Variants in SLC2A14 observed in about 807,000 individuals in gnomAD.
SLC2A14 encodes the protein solute carrier family 2, facilitated glucose transporter member 14.
A neutral mutation model predicts 43.0 loss-of-function variants in SLC2A14; 13 were observed. The ratio of observed to expected loss-of-function variants is 0.30; its 90% CI spans 0.20 to 0.48. The LOEUF is 0.48. SLC2A14 is among the 20% of genes least tolerant of loss of function. The probability of loss-of-function intolerance (pLI) is 0.99; values close to 1 mark genes in which losing one functional copy is unlikely to be tolerated. For synonymous variants in SLC2A14, 190 were observed against 233.8 expected (o/e 0.81, Z 1.71); for missense variants, 428 against 620.4 (o/e 0.69, Z 3.29).
intron 1 of SLC2A14, among the ~76,000 whole-genome samples, chr12:7,882,442 A>G (rs772228542): frequency 8.5e-5 from 13 of 152,254 alleles, no homozygotes; most frequent in African/African-American, 2.6e-4. Context: ...TCTTGAAGTC[A>G]GTGAGACCAA....
intron 7 of SLC2A14, among the ~76,000 whole-genome samples, chr12:7,822,668 C>CA (rs56052601): frequency 0.48 from 56,672 of 118,912 alleles, 12,366 homozygotes; most frequent in Admixed American, 0.56. Context: ...GACTCCATCT[C>CA]AAAAAAAAAA....
chr12:7,863,670 C>G (rs3919534), intron 2 of SLC2A14, among the ~76,000 whole-genome samples: 110,283 of 151,936 alleles, frequency 0.73, 40,405 homozygotes, highest in East Asian at 0.93. Flanking sequence ...TCATTCAATT[C>G]ATTGACATAT....
intron 4 of SLC2A14, 45 bp from the exon 5 acceptor site, chr12:7,830,051 G>C (rs1864876042): frequency 6.2e-7 from 1 of 1,610,846 alleles, no homozygotes; most frequent in African/African-American, 1.3e-5. Flanking sequence ...AAAGTGAGAG[G>C]CTCCTAACTT....
At chr12:7,878,737 C>G (rs868782530) in intron 1 of SLC2A14, among the ~76,000 whole-genome samples, 19 of 151,686 alleles carry the variant, frequency 1.3e-4, no homozygotes, top group Middle Eastern at 3.4e-3. Flanking sequence ...CCAGCACTTT[C>G]GGAGGCCAAG....
chr12:7,889,456 A>G (rs1233080901), intron 1 of SLC2A14, among the ~76,000 whole-genome samples: 1 of 150,264 alleles, frequency 6.7e-6, no homozygotes, highest in Non-Finnish European at 1.5e-5. Context: ...CTGTTCTCGA[A>G]CTCCTGACCT....
At chr12:7,824,237 C>T (rs961736971) in intron 7 of SLC2A14, among the ~76,000 whole-genome samples, 34 of 152,088 alleles carry the variant, frequency 2.2e-4, no homozygotes, top group African/African-American at 7.0e-4. Context: ...GCCTGGGCAA[C>T]GGAGTAAGAC....
At chr12:7,881,647 G>A (rs1465915722) in intron 1 of SLC2A14, among the ~76,000 whole-genome samples, 3 of 152,198 alleles carry the variant, frequency 2.0e-5, no homozygotes, top group African/African-American at 7.2e-5. Flanking sequence ...CCACCCAAGG[G>A]CTGAGGAGTG....
intron 2 of SLC2A14, among the ~76,000 whole-genome samples, chr12:7,833,811 T>C (rs1865226553): frequency 6.9e-6 from 1 of 144,654 alleles, no homozygotes; most frequent in South Asian, 2.2e-4. Flanking sequence ...GAGAGAGACA[T>C]TTCTTAGTGG....
rs753705113 is a variant in SLC2A14 at position 7,857,952 on chromosome 12, C to T, written c.18+11911G>A. Among the ~76,000 whole-genome samples the T allele has an allele frequency of 8.4e-4, 128 of 152,046 alleles. 2 individuals are homozygous for T. Among genetic ancestry groups the T allele is most frequent in the Admixed American group, 6.6e-4 (10 of 15,258 alleles). On this transcript the variant is annotated intron_variant, in intron 2 of 10. Coordinates refer to ENST00000431042, the MANE Select transcript of SLC2A14 (RefSeq NM_001286234.2). ...CAACCTGGCCAACATGGTGAAACCC[C>T]GTCTTTACTAAAAACAACAAAAAAA...
chr12:7,844,121 T>C (rs1367163289), intron 2 of SLC2A14, among the ~76,000 whole-genome samples: 2 of 152,168 alleles, frequency 1.3e-5, no homozygotes, highest in Non-Finnish European at 2.9e-5. Flanking sequence ...CATTTCTTGC[T>C]CCTCAAAAAG....
Position 7,814,771 on chromosome 12 carries a change from CTGAG to C in SLC2A14, c.1276-241_1276-238del, listed in dbSNP as rs1319080079. Among the ~76,000 whole-genome samples the C allele has an allele frequency of 3.3e-5, 5 of 151,812 alleles. No homozygotes were observed. In the South Asian group the frequency reaches 8.3e-4, roughly 25 times the overall value. On this transcript the variant is annotated intron_variant, in intron 10 of 10. Coordinates refer to ENST00000431042, the MANE Select transcript of SLC2A14 (RefSeq NM_001286234.2). ...AAAGTTAGATGCTTCCAAATGTCTA[CTGAG>C]TATTTTTGGACTTTTGAGTATTATT... is the stretch of plus-strand genomic sequence containing the variant.
rs1592174817 is a variant in SLC2A14, at chr12:7,828,115, T to C, written c.677-433A>G. Reference sequence around the variant, plus strand: ...GCGGTGGCTCACACCTGTAATCCCATCACTTTGGGAGGCCAAGGCAGGCGA... The same window carrying C: ...GCGGTGGCTCACACCTGTAATCCCACCACTTTGGGAGGCCAAGGCAGGCGA... On this transcript the variant is annotated intron_variant, in intron 6 of 10. Transcript: ENST00000431042. Among the ~76,000 whole-genome samples the C allele has an allele frequency of 2.6e-5, 4 of 151,208 alleles. No individual in the cohort carries two copies. The South Asian group carries it at 8.4e-4, about 32-fold the overall frequency.
In SLC2A14 at chr12:7,827,510, G is replaced by C; in HGVS notation, c.849C>G (p.Leu283=). Residue 283 remains leucine (L), a synonymous_variant, in exon 7 of 11, where the codon CTC becomes CTG. Coordinates refer to ENST00000431042, the MANE Select transcript of SLC2A14 (RefSeq NM_001286234.2). The part of the protein sequence containing the change: ...ISIVLQLSQQ[L]SGINAVFYYS... ...TCACACTCACAGCATTGATCCCAGA[G>C]AGCTGCTGAGAGAGCTGGAGCACAA... The C allele has an allele frequency of 6.2e-7, 1 of 1,611,806 alleles. No individual in the cohort carries two copies. The highest frequency in any genetic ancestry group is 8.5e-7 in the Non-Finnish European group (1 of 1,179,648).
intron 2 of SLC2A14, among the ~76,000 whole-genome samples, chr12:7,854,169 C>G (rs984789699): frequency 1.3e-5 from 2 of 152,052 alleles, no homozygotes; most frequent in African/African-American, 4.8e-5. Flanking sequence ...TTAAGCATAG[C>G]CAAAGGAGAA....
At chr12:7,844,001 T>C (rs754099882) in intron 2 of SLC2A14, among the ~76,000 whole-genome samples, 19 of 152,046 alleles carry the variant, frequency 1.2e-4, no homozygotes, top group Admixed American at 4.6e-4. Flanking sequence ...GAAGGGCACA[T>C]GCAATAAAGC....
At chr12:7,826,834 T>TTTCTTTCCTTCCTTCC (rs138356665) in intron 7 of SLC2A14, among the ~76,000 whole-genome samples, 11 of 29,570 alleles carry the variant, frequency 3.7e-4, no homozygotes, top group Admixed American at 4.5e-4. Flanking sequence ...TCTTTCTTTC[T>TTTCTTTCCTTCCTTCC]TTCCTTCCTT....
chr12:7,816,779 C>G (rs1377010305), intron 10 of SLC2A14, among the ~76,000 whole-genome samples: 1 of 151,950 alleles, frequency 6.6e-6, no homozygotes, highest in Non-Finnish European at 1.5e-5. Context: ...AAGATCTTGG[C>G]TCACCACGAA....
chr12:7,832,860 G>T, intron 2 of SLC2A14, 46 bp from the exon 3 acceptor site: 2 of 1,567,692 alleles, frequency 1.3e-6, no homozygotes, highest in South Asian at 1.1e-5. Flanking sequence ...CTTAAAACTT[G>T]TAATTGATGA....
chr12:7,870,916 C>T (rs1313461227), intron 1 of SLC2A14: 4 of 1,408,576 alleles, frequency 2.8e-6, no homozygotes, highest in Non-Finnish European at 3.8e-6. Context: ...GGGCCACATC[C>T]AATGTCTTCG....
Sources: allele counts gnomAD v4.1 joint callset (sites outside exome capture counted in the v4.1 genomes callset), GRCh38; gene constraint gnomAD v4.1.1; transcripts MANE v1.5; gene names NCBI Gene and HGNC (gene_info 2026-07-23, HGNC 2026-07-21).